The following PCDH9 variants were observed in gnomAD, a reference collection of about 807,000 sequenced individuals.
PCDH9 encodes the protein protocadherin 9, also known as protocadherin-9.
PCDH9 carries 24 observed loss-of-function variants against 70.6 expected under a neutral mutation model. That is an observed-to-expected ratio of 0.34 (90% CI 0.25 to 0.48). The LOEUF (loss-of-function observed/expected upper bound fraction) is 0.48. PCDH9 is among the 20% of genes least tolerant of loss of function. The pLI is 0.99. For synonymous variants in PCDH9, 562 were observed against 558.5 expected, an observed-to-expected ratio of 1.01 and a Z score of -0.09; for missense variants, 1,281 against 1,503.6, an observed-to-expected ratio of 0.85 and a Z score of 2.45.
At chr13:67,020,501 C>G (rs761903729) in intron 2 of PCDH9, among the ~76,000 whole-genome samples, 1 of 151,990 alleles carries the variant, frequency 6.6e-6, no homozygotes, top group Admixed American at 6.6e-5. Context: ...AGAATTCCCA[C>G]GTTAGAAGAC....
Position 67,226,595 on chromosome 13 carries a change from C to A in PCDH9, c.1846G>T (p.Asp616Tyr), listed in dbSNP as rs1323015292. ...AVTLSILNDN[D>Y]NFVLDPYSGV... ...GAATAGGGATCCAACACAAAATTAT[C>A]ATTGTCATTTAGAATGGAAAGAGTC... Residue 616 changes from aspartate to tyrosine, a missense_variant, in exon 2 of 5, where the codon GAT becomes TAT. By Grantham distance (160) the Asp-to-Tyr change is radical. Transcript: ENST00000377865. The surrounding 1 kb of genome is among the most constrained non-coding windows in gnomAD (Gnocchi z 5.0). 2 of 1,613,990 alleles carry A rather than the reference C, an allele frequency of 1.2e-6. No individual in the cohort carries two copies. Among genetic ancestry groups the A allele is most frequent in the Non-Finnish European group, 1.7e-6 (2 of 1,179,884 alleles).
intron 2 of PCDH9, among the ~76,000 whole-genome samples, chr13:67,184,437 T>G (rs2088696361): frequency 6.6e-6 from 1 of 151,972 alleles, no homozygotes; most frequent in South Asian, 2.1e-4. Flanking sequence ...TTTCAAAAAC[T>G]AAGGGTAGGG....
intron 3 of PCDH9, among the ~76,000 whole-genome samples, chr13:66,702,875 A>C (rs546706826): frequency 6.6e-6 from 1 of 152,314 alleles, no homozygotes; most frequent in South Asian, 2.1e-4. Flanking sequence ...TTTTATTTGA[A>C]TGTTTCCATC....
intron 4 of PCDH9, among the ~76,000 whole-genome samples, chr13:66,476,219 T>C (rs1460606370): frequency 2.0e-5 from 3 of 152,074 alleles, no homozygotes; most frequent in African/African-American, 7.2e-5. Flanking sequence ...ATCCTAGAAG[T>C]TTGTTTTGAG....
In PCDH9 at chr13:66,649,846, A is replaced by G. The variant is rs1020548459; in HGVS notation, c.3139-18435T>C. On this transcript the variant is annotated intron_variant, in intron 3 of 4. Coordinates refer to ENST00000377865, the MANE Select transcript of PCDH9 (RefSeq NM_203487.3). ...GGCAAAGTTAAAGTGTAGAGTTTTT[A>G]TTAGTTTCTTCTTCACTCACTTGTT... 3.3e-5 allele frequency among the ~76,000 whole-genome samples: 5 copies of G among 152,134 alleles called. No individual in the cohort carries two copies. The South Asian group carries it at 1.0e-3, about 32-fold the overall frequency.
chr13:66,330,976 G>C (rs1172209819), intron 4 of PCDH9, among the ~76,000 whole-genome samples: 1 of 152,158 alleles, frequency 6.6e-6, no homozygotes, highest in Non-Finnish European at 1.5e-5. Context: ...TTATGTCTGA[G>C]ATAATATCTC....
chr13:66,922,143 G>T (rs2082646523), intron 2 of PCDH9, among the ~76,000 whole-genome samples: 1 of 151,216 alleles, frequency 6.6e-6, no homozygotes, highest in Admixed American at 6.6e-5. Context: ...GCTCCTAACT[G>T]AAACTAGTAG....
chr13:66,578,370 A>T (rs1183631715), intron 4 of PCDH9, among the ~76,000 whole-genome samples: 2 of 152,020 alleles, frequency 1.3e-5, no homozygotes, highest in Non-Finnish European at 2.9e-5. Flanking sequence ...AAATTGTTTC[A>T]TGAGCTACAT....
chr13:66,509,608 T>TTTC (rs199552432), intron 4 of PCDH9, among the ~76,000 whole-genome samples: 39 of 151,820 alleles, frequency 2.6e-4, no homozygotes, highest in South Asian at 1.7e-3. Context: ...GCAATAGTCT[T>TTTC]TTCTTCTTCT....
intron 4 of PCDH9, among the ~76,000 whole-genome samples, chr13:66,519,281 T>C (rs1432204419): frequency 6.6e-6 from 1 of 152,022 alleles, no homozygotes; most frequent in Non-Finnish European, 1.5e-5. Flanking sequence ...GTAAGATCTA[T>C]ATTAGAAATT....
At chr13:66,851,389 C>T (rs570681669) in intron 3 of PCDH9, among the ~76,000 whole-genome samples, 1 of 149,480 alleles carries the variant, frequency 6.7e-6, no homozygotes, top group Admixed American at 6.7e-5. Context: ...CAAAACTTCT[C>T]AAAAAAAAAT....
intron 2 of PCDH9, among the ~76,000 whole-genome samples, chr13:66,923,056 G>A (rs571090974): frequency 1.3e-4 from 19 of 151,150 alleles, no homozygotes; most frequent in African/African-American, 4.4e-4. Flanking sequence ...AATAAAACAC[G>A]GTTAACATAG....
intron 2 of PCDH9, among the ~76,000 whole-genome samples, chr13:67,069,573 T>C (rs1291971071): frequency 6.6e-6 from 1 of 152,166 alleles, no homozygotes; most frequent in Admixed American, 6.6e-5. Flanking sequence ...GCCTGCTTAA[T>C]TCCCTCCTGC....
rs138110748 is a variant in PCDH9 at position 66,567,320 on chromosome 13, A to G, written c.3340+63890T>C. On this transcript the variant is annotated intron_variant, in intron 4 of 4. Coordinates refer to ENST00000377865, the MANE Select transcript of PCDH9 (RefSeq NM_203487.3). ...GTACCAGACTACATTTGAATAAAAAACGCGTGGTATGGGGATGGAGCTTTT... is the reference window on the plus strand; with the variant it reads ...GTACCAGACTACATTTGAATAAAAAGCGCGTGGTATGGGGATGGAGCTTTT... Among the ~76,000 whole-genome samples, 53 of 152,254 alleles carry G rather than the reference A, an allele frequency of 3.5e-4. No homozygotes were observed. The East Asian group carries it at 9.7e-3, about 28-fold the overall frequency.
intron 2 of PCDH9, among the ~76,000 whole-genome samples, chr13:67,075,908 T>C (rs934598186): frequency 2.0e-5 from 3 of 152,082 alleles, no homozygotes; most frequent in African/African-American, 7.2e-5. Context: ...ATTATGCAAC[T>C]GCATAAATTT....
intron 3 of PCDH9, among the ~76,000 whole-genome samples, chr13:66,694,603 G>A (rs2078532835): frequency 6.6e-6 from 1 of 151,930 alleles, no homozygotes; most frequent in Non-Finnish European, 1.5e-5. Context: ...GATTTTAGCA[G>A]ATATTTGAGT....
intron 4 of PCDH9, among the ~76,000 whole-genome samples, chr13:66,605,899 T>A (rs2077217250): frequency 1.3e-5 from 2 of 152,104 alleles, no homozygotes; most frequent in South Asian, 4.1e-4. Context: ...CCGAGTTTAC[T>A]TTTTCAAGCA....
chr13:66,307,545 C>G (rs1955488768), intron 4 of PCDH9, among the ~76,000 whole-genome samples: 1 of 152,022 alleles, frequency 6.6e-6, no homozygotes, highest in Non-Finnish European at 1.5e-5. Context: ...TTACTCCTTT[C>G]TAAACATCAA....
chr13:66,981,624 A>G (rs927593693), intron 2 of PCDH9, among the ~76,000 whole-genome samples: 9 of 151,958 alleles, frequency 5.9e-5, no homozygotes, highest in Admixed American at 4.6e-4. Flanking sequence ...AGCAAAAAGA[A>G]AAAAAGTATT....
Sources: allele counts gnomAD v4.1 joint callset (sites outside exome capture counted in the v4.1 genomes callset), GRCh38; gene constraint gnomAD v4.1.1; non-coding constraint Gnocchi (gnomAD v3.1); transcripts MANE v1.5; gene names NCBI Gene and HGNC (gene_info 2026-07-23, HGNC 2026-07-21).